Variants in FRMD4A observed in about 807,000 individuals in gnomAD.
FRMD4A encodes the protein FERM domain containing 4A, also known as FERM domain-containing protein 4A.
A neutral mutation model predicts 129.1 loss-of-function variants in FRMD4A; 29 were observed. The ratio of observed to expected loss-of-function variants is 0.22; its 90% CI spans 0.17 to 0.31. FRMD4A has a LOEUF of 0.31. FRMD4A is among the 10% of genes least tolerant of loss of function. The pLI, the probability that FRMD4A is intolerant of heterozygous loss-of-function variation, is 1.00. For missense variants in FRMD4A, 1,272 were observed against 1,375.8 expected, an observed-to-expected ratio of 0.92 and a Z score of 1.19; for synonymous variants, 634 against 571.6, an observed-to-expected ratio of 1.11 and a Z score of -1.56.
chr10:14,142,122 T>TA (rs200253071), intron 2 of FRMD4A, among the ~76,000 whole-genome samples: 2,048 of 150,824 alleles, frequency 0.014, 39 homozygotes, highest in African/African-American at 0.045. Flanking sequence ...CATTTTTATT[T>TA]TAAAAAAAAA....
At chr10:14,079,070 C>T (rs1044277758) in intron 2 of FRMD4A, among the ~76,000 whole-genome samples, 59 of 152,298 alleles carry the variant, frequency 3.9e-4, no homozygotes, top group African/African-American at 1.4e-3. Flanking sequence ...CAGAAATAGA[C>T]CTTGCATCTG....
At chr10:13,813,053 C>T (rs1171540633) in intron 3 of FRMD4A, among the ~76,000 whole-genome samples, 1 of 152,222 alleles carries the variant, frequency 6.6e-6, no homozygotes, top group Non-Finnish European at 1.5e-5. Context: ...TGGGCTGTGG[C>T]CAGCACTAGC....
intron 2 of FRMD4A, among the ~76,000 whole-genome samples, chr10:13,963,933 A>G (rs922095197): frequency 2.6e-5 from 4 of 152,188 alleles, no homozygotes; most frequent in Non-Finnish European, 5.9e-5. Flanking sequence ...TGTTCATTCT[A>G]GCCACTGGTC....
chr10:14,246,029 A>G (rs954571588), intron 2 of FRMD4A, among the ~76,000 whole-genome samples: 3 of 152,164 alleles, frequency 2.0e-5, no homozygotes, highest in Non-Finnish European at 4.4e-5. Context: ...ATCATTCCAA[A>G]AACTGAGGCA....
intron 2 of FRMD4A, among the ~76,000 whole-genome samples, chr10:14,206,879 A>ACAGGCT (rs961232970): frequency 4.5e-4 from 68 of 151,430 alleles, no homozygotes; most frequent in Admixed American, 3.9e-3. Flanking sequence ...GGTGAGATCC[A>ACAGGCT]CAGGCTCATG....
chr10:13,749,806 T>C (rs60144808), intron 8 of FRMD4A, among the ~76,000 whole-genome samples: 2,431 of 151,826 alleles, frequency 0.016, 60 homozygotes, highest in African/African-American at 0.055. Context: ...TTGGGCAACA[T>C]AGTGGGATCC....
rs765008817 is a variant in FRMD4A, at chr10:13,656,960, C to T, written c.2629G>A (p.Gly877Ser). Residue 877 changes from glycine (G) to serine (S), a missense_variant, in exon 22 of 25, where the codon GGC becomes AGC. Gly to Ser is a moderately conservative substitution (Grantham distance 56, BLOSUM62 0). Around this residue, in one of 2 missense-constraint regions of FRMD4A, gnomAD observed 972 missense variants for 892.3 expected, o/e 1.09. Transcript: ENST00000357447. ...FKTSNSYTAG[G>S]LFKESWRGGG... ...CCGCGCCAGCTCTCCTTGAACAGGC[C>T]GCCCGCCGTGTAGGAGTTGGACGTC... 3.9e-6 allele frequency: 6 copies of T among 1,538,552 alleles called. No homozygotes were observed. The highest frequency in any genetic ancestry group is 3.5e-5 in the South Asian group (3 of 85,334).
intron 12 of FRMD4A, among the ~76,000 whole-genome samples, chr10:13,716,287 T>C (rs61833229): frequency 0.015 from 2,339 of 152,246 alleles, 26 homozygotes; most frequent in Non-Finnish European, 0.025. Flanking sequence ...ACTTCTAATC[T>C]CAAAACATTC....
chr10:14,048,669 G>A (rs922384865), intron 2 of FRMD4A, among the ~76,000 whole-genome samples: 1 of 152,022 alleles, frequency 6.6e-6, no homozygotes, highest in Non-Finnish European at 1.5e-5. Flanking sequence ...AGCCAGGCGT[G>A]GTGTCAGGCA....
chr10:14,004,059 T>A (rs984295119), intron 2 of FRMD4A, among the ~76,000 whole-genome samples: 6 of 152,250 alleles, frequency 3.9e-5, no homozygotes, highest in Admixed American at 2.0e-4. Flanking sequence ...TTGAGTTACT[T>A]GGGATTCACG....
chr10:14,266,714 C>T (rs1010458195), intron 2 of FRMD4A, among the ~76,000 whole-genome samples: 5 of 152,036 alleles, frequency 3.3e-5, no homozygotes, highest in Non-Finnish European at 5.9e-5. Context: ...ATTGAACTGC[C>T]TTTATTTTCT....
intron 2 of FRMD4A, among the ~76,000 whole-genome samples, chr10:13,890,242 G>T (rs2094679034): frequency 6.6e-6 from 1 of 152,176 alleles, no homozygotes; most frequent in African/African-American, 2.4e-5. Context: ...ACAATGAAAT[G>T]TGTCTTCCTC....
chr10:13,949,146 G>C (rs1183574686), intron 2 of FRMD4A, among the ~76,000 whole-genome samples: 2 of 151,998 alleles, frequency 1.3e-5, no homozygotes, highest in African/African-American at 4.8e-5. Context: ...ATGGTCTTCA[G>C]TGACTGTGTA....
chr10:14,199,141 G>C (rs911340928), intron 2 of FRMD4A, among the ~76,000 whole-genome samples: 4 of 151,790 alleles, frequency 2.6e-5, no homozygotes, highest in Non-Finnish European at 5.9e-5. Flanking sequence ...AGTGTTACTG[G>C]TTGGTTTTAA....
chr10:13,893,073 G>A (rs911462705), intron 2 of FRMD4A, among the ~76,000 whole-genome samples: 1 of 151,972 alleles, frequency 6.6e-6, no homozygotes, highest in Non-Finnish European at 1.5e-5. Flanking sequence ...GTTTCACTCT[G>A]TCACCCAGGC....
chr10:14,108,479 T>C (rs1344993217), intron 2 of FRMD4A, among the ~76,000 whole-genome samples: 1 of 152,178 alleles, frequency 6.6e-6, no homozygotes, highest in Non-Finnish European at 1.5e-5. Flanking sequence ...GGTATGTGAT[T>C]GGAAATGGGT....
intron 2 of FRMD4A, among the ~76,000 whole-genome samples, chr10:14,311,551 A>G (rs1564456965): frequency 1.3e-5 from 2 of 151,280 alleles, no homozygotes; most frequent in Admixed American, 6.6e-5. Flanking sequence ...GCCTTCTGCT[A>G]CATGGTACCC....
intron 6 of FRMD4A, among the ~76,000 whole-genome samples, chr10:13,777,819 G>A (rs2092633966): frequency 1.2e-5 from 1 of 85,864 alleles, no homozygotes; most frequent in Non-Finnish European, 2.2e-5. Context: ...TTTTTTTTGA[G>A]ACGGAGTCTC....
intron 2 of FRMD4A, among the ~76,000 whole-genome samples, chr10:13,868,360 A>C (rs1412638317): frequency 1.3e-5 from 2 of 152,068 alleles, no homozygotes; most frequent in African/African-American, 4.8e-5. Context: ...ACCATATTGA[A>C]GTAAGATGAC....
Sources: allele counts gnomAD v4.1 joint callset (sites outside exome capture counted in the v4.1 genomes callset), GRCh38; gene constraint gnomAD v4.1.1; regional missense constraint gnomAD v4.1.1; transcripts MANE v1.5; gene names NCBI Gene and HGNC (gene_info 2026-07-23, HGNC 2026-07-21).